The following TMEFF2 variants were observed in gnomAD, a reference collection of about 807,000 sequenced individuals.
The protein encoded by TMEFF2 is tomoregulin-2.
A neutral mutation model predicts 53.8 loss-of-function variants in TMEFF2; 28 were observed. The ratio of observed to expected loss-of-function variants is 0.52; its 90% CI spans 0.39 to 0.71. The LOEUF is 0.71. Among genes scored for constraint, TMEFF2 ranks in the 30% least tolerant of loss-of-function variants. TMEFF2 has a pLI of 0.00. For missense variants in TMEFF2, 353 were observed against 455.2 expected, an observed-to-expected ratio of 0.78 and a Z score of 2.04; for synonymous variants, 162 against 166.3, an observed-to-expected ratio of 0.97 and a Z score of 0.20.
chr2:192,153,953 C>T (rs1020792553), intron 4 of TMEFF2, among the ~76,000 whole-genome samples: 1 of 151,776 alleles, frequency 6.6e-6, no homozygotes, highest in African/African-American at 2.4e-5. Context: ...TAAATTCTTA[C>T]ATGGTTGGGG....
chr2:192,077,745 T>C (rs1688464637), intron 4 of TMEFF2, among the ~76,000 whole-genome samples: 1 of 152,102 alleles, frequency 6.6e-6, no homozygotes, highest in Non-Finnish European at 1.5e-5. Context: ...TATGTGTATA[T>C]AAATGAACAT....
rs145874168 is a variant in TMEFF2 at position 191,962,651 on chromosome 2, A to G, written c.746-6273T>C. Reference sequence around the variant, plus strand: ...GTAAAATCTTGGGAGAAAAACTTGTATGCAACATTTTCACTTGACATCCAA... The same window carrying G: ...GTAAAATCTTGGGAGAAAAACTTGTGTGCAACATTTTCACTTGACATCCAA... On this transcript the variant is annotated intron_variant, in intron 7 of 9. Coordinates refer to ENST00000272771, the MANE Select transcript of TMEFF2 (RefSeq NM_016192.4). Among the ~76,000 whole-genome samples the G allele has an allele frequency of 8.1e-3, 1,232 of 152,370 alleles. 12 individuals carry two copies. The highest frequency in any genetic ancestry group is 0.015 in the Non-Finnish European group (1,012 of 68,040).
intron 7 of TMEFF2, among the ~76,000 whole-genome samples, chr2:191,983,603 A>G (rs1016986838): frequency 1.3e-5 from 2 of 152,184 alleles, no homozygotes. Context: ...CATGCCTCTT[A>G]TTAAGAGGGG....
intron 2 of TMEFF2, among the ~76,000 whole-genome samples, chr2:192,189,784 C>T (rs1330897365): frequency 6.6e-6 from 1 of 152,046 alleles, no homozygotes; most frequent in Admixed American, 6.6e-5. Flanking sequence ...GCAACTTATA[C>T]TTTTCTTTGA....
chr2:192,013,696 C>T (rs1160325903), intron 5 of TMEFF2, among the ~76,000 whole-genome samples: 5 of 152,102 alleles, frequency 3.3e-5, no homozygotes, highest in East Asian at 3.9e-4. Flanking sequence ...GCGATCCGCC[C>T]GCCTTGGCCT....
intron 4 of TMEFF2, among the ~76,000 whole-genome samples, chr2:192,149,219 G>C (rs538926122): frequency 6.6e-6 from 1 of 151,890 alleles, no homozygotes; most frequent in Non-Finnish European, 1.5e-5. Flanking sequence ...TCAGAATGAC[G>C]TTCAGTGAAA....
At chr2:192,149,140 T>C (rs1016465452) in intron 4 of TMEFF2, among the ~76,000 whole-genome samples, 14 of 151,944 alleles carry the variant, frequency 9.2e-5, no homozygotes, top group African/African-American at 3.4e-4. Flanking sequence ...CATTGTCTGA[T>C]AGGTTTTGTT....
intron 4 of TMEFF2, among the ~76,000 whole-genome samples, chr2:192,143,439 C>T (rs1225706752): frequency 2.0e-5 from 3 of 151,956 alleles, no homozygotes; most frequent in Admixed American, 2.0e-4. Context: ...AAAAGTCAGC[C>T]TTCTATATTT....
At chr2:192,039,476 A>T (rs1687420559) in intron 5 of TMEFF2, among the ~76,000 whole-genome samples, 1 of 152,222 alleles carries the variant, frequency 6.6e-6, no homozygotes, top group Non-Finnish European at 1.5e-5. Context: ...TATTTATCAT[A>T]AAACTTTGAT....
intron 4 of TMEFF2, among the ~76,000 whole-genome samples, chr2:192,153,062 G>A (rs1690425691): frequency 6.6e-6 from 1 of 151,256 alleles, no homozygotes; most frequent in Admixed American, 6.6e-5. Flanking sequence ...GGTCAGTACA[G>A]AGCCTATATT....
chr2:192,127,586 T>G (rs990470877), intron 4 of TMEFF2, among the ~76,000 whole-genome samples: 3 of 152,310 alleles, frequency 2.0e-5, no homozygotes, highest in Middle Eastern at 3.4e-3. Context: ...AACTATGATT[T>G]GGGGCTAACG....
chr2:192,186,451 T>C (rs2106043147), intron 2 of TMEFF2, among the ~76,000 whole-genome samples: 1 of 152,260 alleles, frequency 6.6e-6, no homozygotes, highest in Middle Eastern at 3.4e-3. Flanking sequence ...AGGTGCTTGA[T>C]AAATGTGCTA....
At chr2:192,067,281 T>C (rs1169316994) in intron 4 of TMEFF2, among the ~76,000 whole-genome samples, 1 of 151,786 alleles carries the variant, frequency 6.6e-6, no homozygotes, top group East Asian at 1.9e-4. Context: ...GGATTGGGTT[T>C]AGACAGAGGG....
chr2:191,960,511 G>A (rs1239150866), intron 7 of TMEFF2, among the ~76,000 whole-genome samples: 1 of 152,090 alleles, frequency 6.6e-6, no homozygotes, highest in Admixed American at 6.5e-5. Flanking sequence ...AGTTTTTTAA[G>A]GTCAAACTTG....
intron 4 of TMEFF2, among the ~76,000 whole-genome samples, chr2:192,139,091 C>T (rs1574408371): frequency 6.6e-6 from 1 of 152,086 alleles, no homozygotes; most frequent in Non-Finnish European, 1.5e-5. Flanking sequence ...ACGTGTACAA[C>T]ATATGAAGGG....
chr2:192,115,900 T>C (rs1195044387), intron 4 of TMEFF2, among the ~76,000 whole-genome samples: 1 of 151,978 alleles, frequency 6.6e-6, no homozygotes, highest in Non-Finnish European at 1.5e-5. Context: ...CTTAATTTGG[T>C]GCAGACATTA....
rs182194872 is a variant in TMEFF2, at chr2:192,042,536, T to C, written c.536+15143A>G. On this transcript the variant is annotated intron_variant, in intron 5 of 9. Coordinates refer to ENST00000272771, the MANE Select transcript of TMEFF2 (RefSeq NM_016192.4). Reference sequence around the variant, plus strand: ...AAGAACTACCTAAGTTCCTAACTTATACAAAAATCCCAAAAACATGTGTAG... The same window carrying C: ...AAGAACTACCTAAGTTCCTAACTTACACAAAAATCCCAAAAACATGTGTAG... 2.6e-5 allele frequency among the ~76,000 whole-genome samples: 4 copies of C among 152,318 alleles called. No homozygotes were observed. The East Asian group carries it at 5.8e-4, about 22-fold the overall frequency.
chr2:191,997,950 T>C (rs1469571816), intron 7 of TMEFF2, among the ~76,000 whole-genome samples: 3 of 151,946 alleles, frequency 2.0e-5, no homozygotes, highest in African/African-American at 7.2e-5. Context: ...TTGCCAGAAA[T>C]TGCATTCATT....
In TMEFF2 at chr2:192,194,350, T is replaced by C; in HGVS notation, c.172+3A>G. ...GGGTCGGGGACGGGGGTTCTGGACT[T>C]ACCAGAGCAATTCCAGCCGGTGGGC... On this transcript the variant is annotated splice_donor_region_variant and intron_variant, in intron 1 of 9. Coordinates refer to ENST00000272771, the MANE Select transcript of TMEFF2 (RefSeq NM_016192.4). The surrounding 1 kb of genome is among the most constrained non-coding windows in gnomAD (Gnocchi z 4.2). 1 of 1,613,986 alleles carries C rather than the reference T, an allele frequency of 6.2e-7. No individual in the cohort carries two copies. Among genetic ancestry groups the C allele is most frequent in the African/African-American group, 1.3e-5 (1 of 75,026 alleles).
Sources: allele counts gnomAD v4.1 joint callset (sites outside exome capture counted in the v4.1 genomes callset), GRCh38; gene constraint gnomAD v4.1.1; non-coding constraint Gnocchi (gnomAD v3.1); transcripts MANE v1.5; gene names NCBI Gene and HGNC (gene_info 2026-07-23, HGNC 2026-07-21).